Variants in DSG2 observed in about 807,000 individuals in gnomAD.
DSG2 encodes desmoglein-2.
Under a neutral mutation model 75.6 loss-of-function variants are expected in DSG2, and 45 were observed. That is an observed-to-expected ratio of 0.60 (90% confidence interval 0.47 to 0.76). The LOEUF is 0.76. Among genes scored for constraint, DSG2 ranks in the 30% least tolerant of loss-of-function variants. The probability of loss-of-function intolerance (pLI) is 0.00; values close to 1 mark genes in which losing one functional copy is unlikely to be tolerated. For synonymous variants in DSG2, 429 were observed against 483.9 expected (o/e 0.89, Z 1.49); for missense variants, 1,267 against 1,357.4 (o/e 0.93, Z 1.05).
intron 1 of DSG2, among the ~76,000 whole-genome samples, chr18:31,512,296 G>C (rs2073071600): frequency 6.6e-6 from 1 of 152,126 alleles, no homozygotes; most frequent in Non-Finnish European, 1.5e-5. Context: ...AAAATTCTAA[G>C]GGTCATCTAT....
chr18:31,546,961 A>G lies in DSG2; in HGVS notation c.*218A>G. On this transcript the variant is annotated 3_prime_UTR_variant, in exon 15 of 15. Coordinates refer to ENST00000261590, the MANE Select transcript of DSG2 (RefSeq NM_001943.5). ...ACAATTTACTGAAGACATAGAGATG[A>G]TGCTGCTGCTTAGGTGCCTTTTAGC... 1.6e-6 allele frequency: 1 copy of G among 626,776 alleles called. No individual in the cohort carries two copies. Among genetic ancestry groups the G allele is most frequent in the Non-Finnish European group, 2.9e-6 (1 of 350,470 alleles). 38.8% of individuals were successfully genotyped at this position (626,776 alleles called of 1,614,324 possible).
intron 1 of DSG2, 95 bp downstream of exon 1, chr18:31,498,391 T>G: frequency 8.3e-7 from 1 of 1,206,932 alleles, no homozygotes; most frequent in Non-Finnish European, 1.0e-6. Flanking sequence ...GCCGCCCTTG[T>G]GCGCGTTACC....
At chr18:31,522,917 G>T (rs539719980) in intron 6 of DSG2, among the ~76,000 whole-genome samples, 1 of 152,094 alleles carries the variant, frequency 6.6e-6, no homozygotes. Context: ...CATTTCTCTC[G>T]AACATTTCAC....
Position 31,520,953 on chromosome 18 carries a change from C to T in DSG2, c.367C>T (p.Pro123Ser), listed in dbSNP as rs2073124113. 3.1e-6 allele frequency: 5 copies of T among 1,613,578 alleles called. No individual in the cohort carries two copies. Among genetic ancestry groups the T allele is most frequent in the Non-Finnish European group, 4.2e-6 (5 of 1,179,834 alleles). Residue 123 changes from proline (P) to serine (S), a missense_variant, in exon 4 of 15, where the codon CCA becomes TCA. Coordinates refer to ENST00000261590, the MANE Select transcript of DSG2 (RefSeq NM_001943.5). ...CAGCATTCTTGATCGAGAAGAAACA[C>T]CATTTTTTCTGGTAAGAAGAATAAT... is the stretch of plus-strand genomic sequence containing the variant. ...VTSILDREET[P>S]FFLLTGYALD...
intron 1 of DSG2, among the ~76,000 whole-genome samples, chr18:31,508,872 G>A (rs2073052594): frequency 6.6e-6 from 1 of 152,110 alleles, no homozygotes; most frequent in Non-Finnish European, 1.5e-5. Flanking sequence ...TTGGGGCCAA[G>A]CAGCATCAGC....
At chr18:31,506,709 A>G (rs1332805120) in intron 1 of DSG2, among the ~76,000 whole-genome samples, 1 of 152,226 alleles carries the variant, frequency 6.6e-6, no homozygotes, top group African/African-American at 2.4e-5. Context: ...AAATTTTGTG[A>G]AGTCTGTTAT....
At chr18:31,517,688 A>G (rs1490742264) in intron 1 of DSG2, among the ~76,000 whole-genome samples, 1 of 152,202 alleles carries the variant, frequency 6.6e-6, no homozygotes, top group Non-Finnish European at 1.5e-5. Context: ...CTAGGTCATG[A>G]TGAAGTCCCA....
rs748116844 is a variant in DSG2, at chr18:31,545,845, A to G, written c.2459A>G (p.Glu820Gly). 8 of 1,614,172 alleles carry G rather than the reference A, an allele frequency of 5.0e-6. No individual in the cohort carries two copies. In the South Asian group the frequency reaches 8.8e-5, roughly 18 times the overall value. ...SIGCCSFIEGELDDRFLDDLG... is the reference protein window; with the variant it reads ...SIGCCSFIEGGLDDRFLDDLG... ...GGTTGTTGCAGTTTTATTGAAGGAG[A>G]GCTAGATGACCGCTTCTTAGATGAT... Residue 820 changes from glutamate to glycine, a missense_variant, in exon 15 of 15, where the codon GAG becomes GGG. Glu to Gly is a moderately conservative substitution (Grantham distance 98, BLOSUM62 -2). Transcript: ENST00000261590.
chr18:31,506,916 CT>C (rs1435873112), intron 1 of DSG2, among the ~76,000 whole-genome samples: 5 of 151,938 alleles, frequency 3.3e-5, no homozygotes, highest in Middle Eastern at 3.4e-3. Context: ...TATCGTTTTG[CT>C]TTTTTGTTTT....
chr18:31,505,695 C>T (rs1254407913), intron 1 of DSG2, among the ~76,000 whole-genome samples: 1 of 138,930 alleles, frequency 7.2e-6, no homozygotes, highest in African/African-American at 2.7e-5. Context: ...TGGAGTCTCT[C>T]TCTTTCACCA....
intron 1 of DSG2, among the ~76,000 whole-genome samples, chr18:31,509,032 G>C (rs1489062615): frequency 6.6e-6 from 1 of 151,608 alleles, no homozygotes; most frequent in African/African-American, 2.4e-5. Flanking sequence ...ATCCCAATTA[G>C]AAAATAAAAA....
chr18:31,511,521 C>T (rs1287740618), intron 1 of DSG2, among the ~76,000 whole-genome samples: 2 of 152,206 alleles, frequency 1.3e-5, no homozygotes, highest in Non-Finnish European at 2.9e-5. Context: ...CTTAACTGCT[C>T]AGTCAAATAA....
At chr18:31,505,677 T>A (rs2073035671) in intron 1 of DSG2, among the ~76,000 whole-genome samples, 1 of 151,346 alleles carries the variant, frequency 6.6e-6, no homozygotes. Flanking sequence ...TTTTTCTTTT[T>A]TTTGAGATGG....
intron 1 of DSG2, among the ~76,000 whole-genome samples, chr18:31,499,471 C>A (rs1362703850): frequency 6.6e-6 from 1 of 152,042 alleles, no homozygotes; most frequent in Non-Finnish European, 1.5e-5. Flanking sequence ...ATTAGGGCGT[C>A]CAGGCCTAGC....
At chr18:31,525,270 C>G (rs1013414853) in intron 8 of DSG2, among the ~76,000 whole-genome samples, 1 of 152,188 alleles carries the variant, frequency 6.6e-6, no homozygotes, top group Non-Finnish European at 1.5e-5. Flanking sequence ...CAGCCCCACA[C>G]TTTGAGAAGC....
chr18:31,512,001 A>G (rs2073069878), intron 1 of DSG2, among the ~76,000 whole-genome samples: 1 of 152,196 alleles, frequency 6.6e-6, no homozygotes, highest in Admixed American at 6.5e-5. Context: ...GAAACATTAC[A>G]TTAAAGATGT....
At chr18:31,536,792 G>A (rs2073233648) in intron 11 of DSG2, among the ~76,000 whole-genome samples, 1 of 152,164 alleles carries the variant, frequency 6.6e-6, no homozygotes, top group Non-Finnish European at 1.5e-5. Context: ...CACTTGCTAT[G>A]TGCTAGGCAT....
chr18:31,517,402 AC>A (rs2073100278), intron 1 of DSG2, among the ~76,000 whole-genome samples: 1 of 152,190 alleles, frequency 6.6e-6, no homozygotes, highest in Non-Finnish European at 1.5e-5. Context: ...GTTTACAATA[AC>A]CTATTATACA....
At chr18:31,534,947 T>C (rs2073220170) in intron 9 of DSG2, among the ~76,000 whole-genome samples, 2 of 152,216 alleles carry the variant, frequency 1.3e-5, no homozygotes, top group Admixed American at 1.3e-4. Flanking sequence ...AACCCAACTT[T>C]AAGGGACACT....
Sources: gnomAD v4.1 joint callset for allele counts (sites outside exome capture counted in the v4.1 genomes callset) on GRCh38, gnomAD v4.1.1 for gene constraint, MANE v1.5 for transcripts, NCBI Gene and HGNC (gene_info 2026-07-23, HGNC 2026-07-21) for gene names.